The following AP3S1 variants were observed in gnomAD, a reference collection of about 807,000 sequenced individuals.
AP3S1 encodes the protein AP-3 complex subunit sigma-1.
A neutral mutation model predicts 21.3 loss-of-function variants in AP3S1; 12 were observed. The observed-to-expected ratio is 0.56, with a 90% CI of 0.36 to 0.91. The LOEUF (loss-of-function observed/expected upper bound fraction) is 0.91. Ranked by LOEUF, AP3S1 falls within the 40% of genes least tolerant of loss-of-function variation. The pLI, the probability that AP3S1 is intolerant of heterozygous loss-of-function variation, is 0.01. For missense variants in AP3S1, 116 were observed against 225.0 expected (o/e 0.52, Z 3.10); for synonymous variants, 48 against 78.4 (o/e 0.61, Z 2.05).
chr5:115,865,894 G>C (rs959700828), intron 1 of AP3S1, among the ~76,000 whole-genome samples: 4 of 152,184 alleles, frequency 2.6e-5, no homozygotes, highest in African/African-American at 9.7e-5. Context: ...TGCCTCCTGG[G>C]TTCAAGCGAT....
intron 4 of AP3S1, among the ~76,000 whole-genome samples, chr5:115,899,334 A>G (rs1041262249): frequency 6.6e-6 from 1 of 152,252 alleles, no homozygotes; most frequent in African/African-American, 2.4e-5. Context: ...GTAAGCCAAT[A>G]GAAAGAAAGC....
rs1750636428 is a variant in AP3S1, at chr5:115,895,070, T to A, written c.274-17T>A. On this transcript the variant is annotated splice_polypyrimidine_tract_variant and intron_variant, in intron 3 of 5. Transcript: ENST00000316788. The stretch of plus-strand genomic sequence containing the variant: ...TAAATTTAAACAGTTCTTAAAACCT[T>A]TTTTCTTTTTCCATAGGTATTTGTG... 1 of 1,567,168 alleles carries A rather than the reference T, an allele frequency of 6.4e-7. No homozygotes were observed. The highest frequency in any genetic ancestry group is 1.4e-5 in the African/African-American group (1 of 73,598).
intron 3 of AP3S1, among the ~76,000 whole-genome samples, chr5:115,879,825 G>C (rs772958727): frequency 3.3e-5 from 5 of 152,084 alleles, no homozygotes; most frequent in Non-Finnish European, 5.9e-5. Context: ...CTGTCAACCT[G>C]TCTGGTCCTG....
chr5:115,869,561 T>C (rs1457112614), intron 2 of AP3S1, among the ~76,000 whole-genome samples: 1 of 152,200 alleles, frequency 6.6e-6, no homozygotes, highest in Non-Finnish European at 1.5e-5. Flanking sequence ...CCTGAAATGC[T>C]CTTCTCTAAA....
At chr5:115,856,118 A>G (rs1377390393) in intron 1 of AP3S1, among the ~76,000 whole-genome samples, 1 of 152,154 alleles carries the variant, frequency 6.6e-6, no homozygotes, top group Non-Finnish European at 1.5e-5. Context: ...ACTGAAATAT[A>G]GCTCTTTTGA....
rs539214036 is a variant in AP3S1 at position 115,896,199 on chromosome 5, C to T, written c.345+1041C>T. Among the ~76,000 whole-genome samples the T allele has an allele frequency of 3.3e-5, 5 of 152,240 alleles. No individual in the cohort carries two copies. The South Asian group carries it at 1.0e-3, about 32-fold the overall frequency. On this transcript the variant is annotated intron_variant, in intron 4 of 5. Coordinates refer to ENST00000316788, the MANE Select transcript of AP3S1 (RefSeq NM_001284.4). ...TAAGTTTCGACTAGTGTGTATAGTA[C>T]ATGTAACCAGCATCACAATCAAAGT...
At chr5:115,881,071 A>G (rs368215927) in intron 3 of AP3S1, among the ~76,000 whole-genome samples, 4 of 151,082 alleles carry the variant, frequency 2.6e-5, no homozygotes, top group South Asian at 2.1e-4. Context: ...CCTCCATACC[A>G]TTATTTTGAG....
intron 1 of AP3S1, among the ~76,000 whole-genome samples, chr5:115,860,966 G>T (rs1460657737): frequency 5.3e-5 from 8 of 152,154 alleles, no homozygotes; most frequent in Admixed American, 3.3e-4. Flanking sequence ...CTGTCTTCTA[G>T]ATTACAAATT....
intron 3 of AP3S1, among the ~76,000 whole-genome samples, chr5:115,884,246 T>G (rs1749565560): frequency 6.6e-6 from 1 of 152,224 alleles, no homozygotes; most frequent in Non-Finnish European, 1.5e-5. Flanking sequence ...TCTTAATTTT[T>G]AGAAGTTCAT....
chr5:115,902,002 G>T (rs1751257043), intron 4 of AP3S1, among the ~76,000 whole-genome samples: 1 of 151,988 alleles, frequency 6.6e-6, no homozygotes, highest in Non-Finnish European at 1.5e-5. Flanking sequence ...AATTGTTATG[G>T]TAATCCTATG....
chr5:115,906,724 A>G (rs1018224152), intron 5 of AP3S1: 11 of 872,220 alleles, frequency 1.3e-5, no homozygotes, highest in Admixed American at 6.0e-5. Context: ...AGATGGATAA[A>G]TGGGTCTGAA....
chr5:115,882,672 G>A (rs569629864), intron 3 of AP3S1, among the ~76,000 whole-genome samples: 28 of 150,652 alleles, frequency 1.9e-4, no homozygotes, highest in Middle Eastern at 3.4e-3. Context: ...TAGGAGGCAC[G>A]GGGGTCAGGG....
At chr5:115,878,100 G>A (rs1280260528) in intron 3 of AP3S1, among the ~76,000 whole-genome samples, 1 of 152,036 alleles carries the variant, frequency 6.6e-6, no homozygotes, top group Non-Finnish European at 1.5e-5. Flanking sequence ...CTGGATATTA[G>A]CCCTTTGTCA....
intron 1 of AP3S1, among the ~76,000 whole-genome samples, chr5:115,859,960 A>G (rs934292211): frequency 1.3e-5 from 2 of 152,188 alleles, no homozygotes; most frequent in Non-Finnish European, 2.9e-5. Flanking sequence ...AGTGGCTTAA[A>G]ACAACCCAAA....
At chr5:115,861,680 A>G (rs1453180323) in intron 1 of AP3S1, among the ~76,000 whole-genome samples, 6 of 151,838 alleles carry the variant, frequency 4.0e-5, no homozygotes, top group African/African-American at 1.5e-4. Flanking sequence ...TCAGCCTCCC[A>G]AGTAGCTGGG....
intron 1 of AP3S1, among the ~76,000 whole-genome samples, chr5:115,851,443 C>T (rs1762433534): frequency 6.6e-6 from 1 of 152,116 alleles, no homozygotes; most frequent in Middle Eastern, 3.2e-3. Context: ...TACATTCCCA[C>T]CAGCAATGCA....
In AP3S1 at chr5:115,906,450, C is replaced by A. The variant is rs1751660202; in HGVS notation, c.453+3458C>A. Among the ~76,000 whole-genome samples the A allele has an allele frequency of 2.0e-5, 3 of 152,172 alleles. No individual in the cohort carries two copies. The South Asian group carries it at 6.2e-4, about 32-fold the overall frequency. ...TTCCCAATACCTAGACAGGTGGAAGCAAAGCTCTGCCAGATCCTGAAAGAG... is the reference window on the plus strand; with the variant it reads ...TTCCCAATACCTAGACAGGTGGAAGAAAAGCTCTGCCAGATCCTGAAAGAG... On this transcript the variant is annotated intron_variant, in intron 5 of 5. Coordinates refer to ENST00000316788, the MANE Select transcript of AP3S1 (RefSeq NM_001284.4).
intron 5 of AP3S1, among the ~76,000 whole-genome samples, chr5:115,910,382 G>A (rs893248322): frequency 5.3e-5 from 8 of 151,932 alleles, no homozygotes; most frequent in African/African-American, 1.9e-4. Flanking sequence ...ACCATGGAAA[G>A]TGAAATTGCG....
intron 3 of AP3S1, among the ~76,000 whole-genome samples, chr5:115,871,530 A>G (rs957792489): frequency 6.6e-5 from 10 of 152,120 alleles, no homozygotes; most frequent in African/African-American, 2.4e-4. Context: ...GACCTATTGC[A>G]ACCCTCAGTT....
Sources: gnomAD v4.1 joint callset for allele counts (sites outside exome capture counted in the v4.1 genomes callset) on GRCh38, gnomAD v4.1.1 for gene constraint, MANE v1.5 for transcripts, NCBI Gene and HGNC (gene_info 2026-07-23, HGNC 2026-07-21) for gene names.